Variants in CCDC91 observed in about 807,000 individuals in gnomAD.
CCDC91 encodes the protein coiled-coil domain containing 91.
CCDC91 carries 48 observed loss-of-function variants against 63.2 expected under a neutral mutation model. The observed-to-expected ratio is 0.76, with a 90% confidence interval of 0.60 to 0.97. The LOEUF (loss-of-function observed/expected upper bound fraction) is 0.97, where lower values mean the gene tolerates loss of function less well. CCDC91 is among the 50% of genes least tolerant of loss of function. The pLI, the probability that CCDC91 is intolerant of heterozygous loss-of-function variation, is 0.00. For synonymous variants in CCDC91, 167 were observed against 165.8 expected (o/e 1.01, Z -0.06); for missense variants, 500 against 494.6 (o/e 1.01, Z -0.10).
intron 6 of CCDC91, among the ~76,000 whole-genome samples, chr12:28,353,321 C>G (rs1943305702): frequency 6.6e-6 from 1 of 152,176 alleles, no homozygotes; most frequent in Non-Finnish European, 1.5e-5. Flanking sequence ...AGCAATAAGG[C>G]TGTATCACTT....
chr12:28,332,317 G>A (rs1396331625), intron 6 of CCDC91, among the ~76,000 whole-genome samples: 1 of 152,102 alleles, frequency 6.6e-6, no homozygotes, highest in Non-Finnish European at 1.5e-5. Context: ...TCTCTTAAGC[G>A]ATTTAAGAGT....
intron 3 of CCDC91, among the ~76,000 whole-genome samples, chr12:28,277,896 C>T (rs1948351092): frequency 6.6e-6 from 1 of 152,010 alleles, no homozygotes; most frequent in African/African-American, 2.4e-5. Context: ...AGACTGTAGA[C>T]TTTTCATTCA....
At chr12:28,326,748 G>C (rs1941045894) in intron 6 of CCDC91, among the ~76,000 whole-genome samples, 1 of 151,966 alleles carries the variant, frequency 6.6e-6, no homozygotes, top group Non-Finnish European at 1.5e-5. Context: ...TTTAAAAAAA[G>C]AAACAAGTGA....
intron 12 of CCDC91, among the ~76,000 whole-genome samples, chr12:28,498,802 T>C (rs1184336138): frequency 6.6e-6 from 1 of 151,702 alleles, no homozygotes; most frequent in East Asian, 1.9e-4. Context: ...ATATGCTAGG[T>C]AGCACTCTTA....
At chr12:28,270,635 T>C (rs908612522) in intron 3 of CCDC91, among the ~76,000 whole-genome samples, 1 of 152,178 alleles carries the variant, frequency 6.6e-6, no homozygotes, top group Non-Finnish European at 1.5e-5. Context: ...AAACATTTAC[T>C]CAACTCATCA....
chr12:28,231,089 G>T (rs1172123219), intron 1 of CCDC91, among the ~76,000 whole-genome samples: 1 of 152,130 alleles, frequency 6.6e-6, no homozygotes, highest in Admixed American at 6.6e-5. Context: ...AAGAAATAGA[G>T]CTCTGTGGTG....
chr12:28,231,471 A>T (rs1194557569), intron 1 of CCDC91, among the ~76,000 whole-genome samples: 1 of 152,168 alleles, frequency 6.6e-6, no homozygotes, highest in East Asian at 1.9e-4. Context: ...ATTTGTGACA[A>T]GTTGTTTGGG....
At chr12:28,468,975 G>A (rs1302328434) in intron 11 of CCDC91, among the ~76,000 whole-genome samples, 3 of 151,824 alleles carry the variant, frequency 2.0e-5, no homozygotes, top group Non-Finnish European at 2.9e-5. Flanking sequence ...ACCCTCAGTG[G>A]GTATCATACT....
At chr12:28,334,700 G>T (rs1421942238) in intron 6 of CCDC91, among the ~76,000 whole-genome samples, 14 of 152,048 alleles carry the variant, frequency 9.2e-5, no homozygotes, top group Non-Finnish European at 1.6e-4. Flanking sequence ...GGATTTCTGG[G>T]TTGCCTAATA....
Position 28,484,088 on chromosome 12 carries a change from C to T in CCDC91, c.1138C>T (p.Arg380Ter), listed in dbSNP as rs199900804. The T allele has an allele frequency of 7.5e-6, 12 of 1,610,664 alleles. No individual in the cohort carries two copies. The highest frequency in any genetic ancestry group is 2.7e-5 in the African/African-American group (2 of 74,694). The change falls in exon 12 of 13, where the codon CGA (arginine) becomes TGA (stop). Residue 380 changes from arginine to a stop codon, truncating the protein, a stop_gained. Transcript: ENST00000536442. LOFTEE classifies it high-confidence loss of function. ...VKAAIIEEQKRSEKAVEEAVK... is the reference protein window; with the variant it reads ...VKAAIIEEQK ...GGCAGCAATAATAGAAGAGCAGAAACGAAGTGAAAAGGCTGTGGAAGAGGC... is the reference window on the plus strand; with the variant it reads ...GGCAGCAATAATAGAAGAGCAGAAATGAAGTGAAAAGGCTGTGGAAGAGGC...
intron 3 of CCDC91, among the ~76,000 whole-genome samples, chr12:28,301,664 G>T (rs1938094441): frequency 6.6e-6 from 1 of 151,492 alleles, no homozygotes; most frequent in African/African-American, 2.4e-5. Flanking sequence ...ATTTTTGGTA[G>T]AAATCCTCTT....
chr12:28,407,651 G>A (rs1315235045), intron 8 of CCDC91, among the ~76,000 whole-genome samples: 1 of 152,112 alleles, frequency 6.6e-6, no homozygotes, highest in African/African-American at 2.4e-5. Flanking sequence ...TTGGTATGTT[G>A]ATTTTGGTTG....
intron 12 of CCDC91, among the ~76,000 whole-genome samples, chr12:28,527,031 C>T (rs1941320886): frequency 6.6e-6 from 1 of 151,998 alleles, no homozygotes; most frequent in South Asian, 2.1e-4. Flanking sequence ...TTTTGGATTT[C>T]CTTACATTGG....
intron 11 of CCDC91, among the ~76,000 whole-genome samples, chr12:28,476,042 AG>A (rs1951069704): frequency 6.6e-6 from 1 of 151,992 alleles, no homozygotes; most frequent in Non-Finnish European, 1.5e-5. Flanking sequence ...CAATACAAGG[AG>A]TATAGTTCAT....
At chr12:28,395,054 T>A (rs1401575186) in intron 8 of CCDC91, among the ~76,000 whole-genome samples, 1 of 152,194 alleles carries the variant, frequency 6.6e-6, no homozygotes, top group Non-Finnish European at 1.5e-5. Flanking sequence ...GAACCAGGGC[T>A]GGGATTCAGG....
chr12:28,428,296 C>T (rs1420032369), intron 8 of CCDC91, among the ~76,000 whole-genome samples: 6 of 151,730 alleles, frequency 4.0e-5, no homozygotes, highest in East Asian at 1.9e-4. Flanking sequence ...TTTGGCCACG[C>T]GTAGTGGCTC....
chr12:28,471,843 G>A (rs760657800), intron 11 of CCDC91, among the ~76,000 whole-genome samples: 31 of 151,142 alleles, frequency 2.1e-4, no homozygotes, highest in Non-Finnish European at 4.0e-4. Flanking sequence ...TCCGCCTCCC[G>A]GGTTCAAGCA....
chr12:28,247,272 A>G (rs1945801625), intron 1 of CCDC91, among the ~76,000 whole-genome samples: 1 of 152,086 alleles, frequency 6.6e-6, no homozygotes, highest in Admixed American at 6.5e-5. Flanking sequence ...TGAGGTCAGG[A>G]GATTGAGACC....
At chr12:28,276,995 G>T (rs182600455) in intron 3 of CCDC91, among the ~76,000 whole-genome samples, 1 of 152,000 alleles carries the variant, frequency 6.6e-6, no homozygotes, top group Admixed American at 6.6e-5. Context: ...AAATTTCAGA[G>T]ATATGGTATC....
Sources: gnomAD v4.1 joint callset for allele counts (sites outside exome capture counted in the v4.1 genomes callset) on GRCh38, gnomAD v4.1.1 for gene constraint, MANE v1.5 for transcripts, NCBI Gene and HGNC (gene_info 2026-07-23, HGNC 2026-07-21) for gene names.